Variants in HS3ST2 observed in about 807,000 individuals in gnomAD.
The protein encoded by HS3ST2 is heparan sulfate glucosamine 3-O-sulfotransferase 2.
In HS3ST2, 17 loss-of-function variants were observed where a neutral mutation model predicts 26.3. That is an observed-to-expected ratio of 0.65 (90% CI 0.44 to 0.97). HS3ST2 has a LOEUF of 0.97. HS3ST2 is among the 50% of genes least tolerant of loss of function. The pLI is 0.00. For missense variants in HS3ST2, 402 were observed against 501.2 expected (o/e 0.80, Z 1.89); for synonymous variants, 237 against 219.2 (o/e 1.08, Z -0.72).
chr16:22,872,578 T>C (rs1178491454), intron 1 of HS3ST2, among the ~76,000 whole-genome samples: 9 of 152,142 alleles, frequency 5.9e-5, no homozygotes. Context: ...GTTTCTTCTT[T>C]AGATGGGGCA....
intron 1 of HS3ST2, among the ~76,000 whole-genome samples, chr16:22,880,249 T>C (rs1249649483): frequency 6.6e-6 from 1 of 151,884 alleles, no homozygotes; most frequent in Non-Finnish European, 1.5e-5. Flanking sequence ...CAAGACCCTA[T>C]CTCTAAAAAA....
At chr16:22,854,523 AT>A (rs1484796735) in intron 1 of HS3ST2, 1 of 151,744 alleles carries the variant, frequency 6.6e-6, no homozygotes, top group Non-Finnish European at 1.5e-5. Context: ...ATCTGTCTTG[AT>A]TATCACCACT....
intron 1 of HS3ST2, among the ~76,000 whole-genome samples, chr16:22,842,550 G>C (rs1901373678): frequency 6.6e-6 from 1 of 151,914 alleles, no homozygotes; most frequent in Non-Finnish European, 1.5e-5. Flanking sequence ...CCCAGCCTCT[G>C]GTGACCACCC....
chr16:22,904,082 C>T (rs1902316891), intron 1 of HS3ST2, among the ~76,000 whole-genome samples: 1 of 152,158 alleles, frequency 6.6e-6, no homozygotes, highest in South Asian at 2.1e-4. Flanking sequence ...CCCAGCTGCC[C>T]AGCACCTGAA....
intron 1 of HS3ST2, among the ~76,000 whole-genome samples, chr16:22,887,627 G>C (rs2141199379): frequency 6.6e-6 from 1 of 152,260 alleles, no homozygotes; most frequent in East Asian, 1.9e-4. Flanking sequence ...AGACACGATT[G>C]GTGCTTGGCT....
At chr16:22,906,724 C>T (rs1396543249) in intron 1 of HS3ST2, among the ~76,000 whole-genome samples, 1 of 152,236 alleles carries the variant, frequency 6.6e-6, no homozygotes, top group African/African-American at 2.4e-5. Flanking sequence ...CAGAAAATTT[C>T]CCTCCAGTAC....
At chr16:22,816,261 A>G (rs540298788) in intron 1 of HS3ST2, among the ~76,000 whole-genome samples, 1 of 152,334 alleles carries the variant, frequency 6.6e-6, no homozygotes, top group Non-Finnish European at 1.5e-5. Context: ...GGGAGGGGTA[A>G]CATGGTAGCT....
chr16:22,914,069 C>T (rs536854382), intron 1 of HS3ST2, among the ~76,000 whole-genome samples: 2 of 151,760 alleles, frequency 1.3e-5, no homozygotes, highest in East Asian at 3.9e-4. Flanking sequence ...GCCTGGAGTT[C>T]GAGGCTTCAG....
intron 1 of HS3ST2, among the ~76,000 whole-genome samples, chr16:22,889,374 T>C (rs938518485): frequency 1.3e-5 from 2 of 152,160 alleles, no homozygotes; most frequent in Admixed American, 1.3e-4. Flanking sequence ...ATCATATAAG[T>C]CATTCACTGA....
chr16:22,856,770 G>C (rs1901601846), intron 1 of HS3ST2, among the ~76,000 whole-genome samples: 1 of 152,116 alleles, frequency 6.6e-6, no homozygotes, highest in African/African-American at 2.4e-5. Context: ...TTGCAATCAG[G>C]AGTCCAGGCA....
intron 1 of HS3ST2, among the ~76,000 whole-genome samples, chr16:22,849,811 A>G (rs1901494036): frequency 6.6e-6 from 1 of 152,118 alleles, no homozygotes; most frequent in Admixed American, 6.5e-5. Flanking sequence ...CTACTCGATA[A>G]CCTCACAGCA....
At chr16:22,820,412 C>G (rs1336692628) in intron 1 of HS3ST2, among the ~76,000 whole-genome samples, 6 of 152,196 alleles carry the variant, frequency 3.9e-5, no homozygotes, top group Admixed American at 3.9e-4. Context: ...TTTCACACTG[C>G]TGATAAAGAC....
chr16:22,883,977 C>G (rs569752405), intron 1 of HS3ST2, among the ~76,000 whole-genome samples: 1 of 152,262 alleles, frequency 6.6e-6, no homozygotes, highest in Non-Finnish European at 1.5e-5. Flanking sequence ...CCAGACCCAC[C>G]TCTAGAAATC....
At chr16:22,816,354 A>G (rs1900867947) in intron 1 of HS3ST2, among the ~76,000 whole-genome samples, 1 of 152,186 alleles carries the variant, frequency 6.6e-6, no homozygotes, top group South Asian at 2.1e-4. Flanking sequence ...ACAAGGGACA[A>G]CTTTGTTAGA....
Position 22,909,067 on chromosome 16 carries a change from C to G in HS3ST2, c.486-5877C>G, listed in dbSNP as rs200377965. On this transcript the variant is annotated intron_variant, in intron 1 of 1. Coordinates refer to ENST00000261374, the MANE Select transcript of HS3ST2 (RefSeq NM_006043.2). ...GGCAACAGAAACTAATGAGGAATCTCTTCCAGGGTTTTATATCTGATTGGA... is the reference window on the plus strand; with the variant it reads ...GGCAACAGAAACTAATGAGGAATCTGTTCCAGGGTTTTATATCTGATTGGA... Among the ~76,000 whole-genome samples the G allele has an allele frequency of 2.6e-5, 4 of 152,314 alleles. No homozygotes were observed. In the East Asian group the frequency reaches 7.7e-4, roughly 29 times the overall value.
intron 1 of HS3ST2, among the ~76,000 whole-genome samples, chr16:22,896,187 C>A (rs1356313629): frequency 1.3e-5 from 2 of 152,016 alleles, no homozygotes; most frequent in African/African-American, 4.8e-5. Flanking sequence ...TTTGTTTAAC[C>A]CCATCACTGT....
chr16:22,877,502 G>A (rs933868547), intron 1 of HS3ST2, among the ~76,000 whole-genome samples: 1 of 152,226 alleles, frequency 6.6e-6, no homozygotes, highest in Non-Finnish European at 1.5e-5. Flanking sequence ...AGTGGAGGAT[G>A]CATGTCTTTC....
intron 1 of HS3ST2, among the ~76,000 whole-genome samples, chr16:22,878,742 T>C (rs1440879230): frequency 6.6e-6 from 1 of 151,890 alleles, no homozygotes; most frequent in Non-Finnish European, 1.5e-5. Flanking sequence ...GTCAGGGAAG[T>C]GCCCCCGAGA....
chr16:22,873,192 G>A (rs1901861995), intron 1 of HS3ST2, among the ~76,000 whole-genome samples: 1 of 152,218 alleles, frequency 6.6e-6, no homozygotes, highest in South Asian at 2.1e-4. Flanking sequence ...TAACTTCGGA[G>A]CTAGCAGAGT....
Sources: allele counts gnomAD v4.1 joint callset (sites outside exome capture counted in the v4.1 genomes callset), GRCh38; gene constraint gnomAD v4.1.1; transcripts MANE v1.5; gene names NCBI Gene and HGNC (gene_info 2026-07-23, HGNC 2026-07-21).